Variants in SHISAL1 observed in about 807,000 individuals in gnomAD.
SHISAL1 encodes shisa like 1.
In SHISAL1, 9 loss-of-function variants were observed where a neutral mutation model predicts 22.6. That is an observed-to-expected ratio of 0.40 (90% CI 0.24 to 0.70). The LOEUF (loss-of-function observed/expected upper bound fraction) is 0.70, where lower values mean the gene tolerates loss of function less well. Ranked by LOEUF, SHISAL1 falls within the 30% of genes least tolerant of loss-of-function variation. The pLI is 0.39. For synonymous variants in SHISAL1, 119 were observed against 115.4 expected, an observed-to-expected ratio of 1.03 and a Z score of -0.20; for missense variants, 246 against 270.6, an observed-to-expected ratio of 0.91 and a Z score of 0.64.
intron 4 of SHISAL1, among the ~76,000 whole-genome samples, chr22:44,257,290 C>T (rs1415762394): frequency 5.9e-5 from 9 of 152,190 alleles, no homozygotes; most frequent in East Asian, 5.8e-4. Flanking sequence ...GCAGAAGATT[C>T]GGATCACTGA....
chr22:44,319,708 C>T, the SHISAL1 span, among the ~76,000 whole-genome samples: 4 of 152,346 alleles, frequency 2.6e-5, no homozygotes, highest in South Asian at 2.1e-4. Flanking sequence ...CTCTGGCTTT[C>T]GGCTCTCCTG....
chr22:44,299,650 G>A (rs1451162496), intron 2 of SHISAL1, among the ~76,000 whole-genome samples: 1 of 151,886 alleles, frequency 6.6e-6, no homozygotes, highest in Non-Finnish European at 1.5e-5. Context: ...AAACCACCAG[G>A]CCAGTGTCAG....
upstream of SHISAL1, among the ~76,000 whole-genome samples, chr22:44,313,215 G>A (rs1041868734): frequency 2.6e-5 from 4 of 152,224 alleles, no homozygotes; most frequent in East Asian, 1.9e-4. Flanking sequence ...CCAGGGCACC[G>A]GGCTCCAGGT....
intron 1 of SHISAL1, among the ~76,000 whole-genome samples, chr22:44,302,573 C>T (rs2055439028): frequency 6.6e-6 from 1 of 152,174 alleles, no homozygotes; most frequent in South Asian, 2.1e-4. Context: ...CGGGAGAGGC[C>T]ACGTGGCTGT....
At chr22:44,267,104 C>T (rs2055169560) in intron 4 of SHISAL1, among the ~76,000 whole-genome samples, 1 of 152,052 alleles carries the variant, frequency 6.6e-6, no homozygotes, top group East Asian at 1.9e-4. Flanking sequence ...AGGCAGGGGA[C>T]ATCGCAGGAG....
chr22:44,301,020 G>C, intron 1 of SHISAL1, 43 bp from the exon 2 acceptor site: 1 of 1,385,714 alleles, frequency 7.2e-7, no homozygotes, highest in Non-Finnish European at 1.0e-6. Context: ...GGGCTGTCTC[G>C]CCTGACACTG....
intron 4 of SHISAL1, among the ~76,000 whole-genome samples, chr22:44,261,167 C>A (rs1405244404): frequency 6.9e-6 from 1 of 144,718 alleles, no homozygotes; most frequent in Non-Finnish European, 1.5e-5. Context: ...AAAAAAAATT[C>A]TACTTATAGC....
At position 44,289,558 on chromosome 22, in the gene SHISAL1, G is replaced by A. The variant is rs73432520; in HGVS notation, c.282-3813C>T. 3.8e-3 allele frequency among the ~76,000 whole-genome samples: 570 copies of A among 151,364 alleles called. 4 individuals are homozygous for A. The highest frequency in any genetic ancestry group is 0.013 in the African/African-American group (538 of 41,264). The stretch of plus-strand genomic sequence containing the variant: ...GCAATTGACACATGACATGACCCCC[G>A]GCCCTCCCAGCTCATCCTCCCTGTC... On this transcript the variant is annotated intron_variant, in intron 3 of 4. Coordinates refer to ENST00000381176, the MANE Select transcript of SHISAL1 (RefSeq NM_001099294.2).
chr22:44,276,707 G>A (rs1855655284), intron 4 of SHISAL1, among the ~76,000 whole-genome samples: 1 of 152,202 alleles, frequency 6.6e-6, no homozygotes, highest in Non-Finnish European at 1.5e-5. Context: ...GGACATCCAA[G>A]AGCTGCCCTT....
At chr22:44,252,038 A>G (rs2084636643) in intron 4 of SHISAL1, among the ~76,000 whole-genome samples, 1 of 152,244 alleles carries the variant, frequency 6.6e-6, no homozygotes, top group Admixed American at 6.5e-5. Context: ...GCCAGCAATG[A>G]GCGTAGAATT....
At chr22:44,261,966 A>G (rs926611424) in intron 4 of SHISAL1, among the ~76,000 whole-genome samples, 18 of 149,790 alleles carry the variant, frequency 1.2e-4, no homozygotes, top group Admixed American at 6.7e-4. Context: ...AGCTGGAACT[A>G]TAGCACCTTC....
chr22:44,261,379 C>T (rs135428), intron 4 of SHISAL1, among the ~76,000 whole-genome samples: 49,842 of 151,616 alleles, frequency 0.33, 8,557 homozygotes, highest in East Asian at 0.52. Flanking sequence ...ACTCACTGGG[C>T]GCCCCTTCTG....
At chr22:44,253,440 T>G (rs1197833890) in intron 4 of SHISAL1, among the ~76,000 whole-genome samples, 1 of 149,614 alleles carries the variant, frequency 6.7e-6, no homozygotes, top group Non-Finnish European at 1.5e-5. Flanking sequence ...TTTTTTTTTT[T>G]TTTTTTTTGA....
intron 4 of SHISAL1, among the ~76,000 whole-genome samples, chr22:44,281,672 A>G (rs528425024): frequency 6.6e-6 from 1 of 152,116 alleles, no homozygotes; most frequent in South Asian, 2.1e-4. Context: ...CTGGGCCCTC[A>G]GGGGTTGTCC....
chr22:44,263,385 T>C (rs1028147925), intron 4 of SHISAL1, among the ~76,000 whole-genome samples: 7 of 152,166 alleles, frequency 4.6e-5, no homozygotes, highest in South Asian at 2.1e-4. Flanking sequence ...TCACATATTT[T>C]TCTAAGGGAT....
intron 4 of SHISAL1, among the ~76,000 whole-genome samples, chr22:44,272,254 G>T (rs1323921665): frequency 1.3e-5 from 2 of 152,200 alleles, no homozygotes; most frequent in Non-Finnish European, 2.9e-5. Context: ...GCTAGGTCTA[G>T]TTCATTCCAG....
chr22:44,262,526 T>G (rs1323213801), intron 4 of SHISAL1, among the ~76,000 whole-genome samples: 1 of 152,170 alleles, frequency 6.6e-6, no homozygotes, highest in African/African-American at 2.4e-5. Context: ...GCCTCAGGGG[T>G]GGGGACCACT....
At chr22:44,304,310 C>T (rs1313241476) in intron 1 of SHISAL1, among the ~76,000 whole-genome samples, 5 of 152,190 alleles carry the variant, frequency 3.3e-5, no homozygotes, top group South Asian at 2.1e-4. Context: ...CAAGGCCAAA[C>T]GCACAGTGCT....
In SHISAL1 at chr22:44,259,127, A is replaced by G. The variant is rs1476868683; in HGVS notation, c.*-9442T>C. Among the ~76,000 whole-genome samples the G allele has an allele frequency of 2.0e-5, 3 of 152,310 alleles. No homozygotes were observed. In the East Asian group the frequency reaches 5.8e-4, roughly 29 times the overall value. ...CTATGTTCTTAGGTGGAAATTTGCA[A>G]CAGGGTGGCCACATGGTAGAAACGG... On this transcript the variant is annotated intron_variant, in intron 4 of 4. Coordinates refer to ENST00000381176, the MANE Select transcript of SHISAL1 (RefSeq NM_001099294.2).
Sources: gnomAD v4.1 joint callset for allele counts (sites outside exome capture counted in the v4.1 genomes callset) on GRCh38, gnomAD v4.1.1 for gene constraint, MANE v1.5 for transcripts, NCBI Gene and HGNC (gene_info 2026-07-23, HGNC 2026-07-21) for gene names.